The following NAALADL2 variants were observed in gnomAD, a reference collection of about 807,000 sequenced individuals.
The protein encoded by NAALADL2 is N-acetylated alpha-linked acidic dipeptidase like 2, also known as inactive N-acetylated-alpha-linked acidic dipeptidase-like protein 2.
A neutral mutation model predicts 87.2 loss-of-function variants in NAALADL2; 76 were observed. The observed-to-expected ratio is 0.87, with a 90% confidence interval of 0.72 to 1.05. The LOEUF (loss-of-function observed/expected upper bound fraction) is 1.05, where lower values mean the gene tolerates loss of function less well. NAALADL2 is among the 50% of genes least tolerant of loss of function. The probability of loss-of-function intolerance (pLI) is 0.00; values close to 1 mark genes in which losing one functional copy is unlikely to be tolerated. For missense variants in NAALADL2, 1,089 were observed against 945.8 expected (o/e 1.15, Z -1.99); for synonymous variants, 354 against 331.0 (o/e 1.07, Z -0.75).
chr3:174,580,903 T>A (rs1176851374), intron 2 of NAALADL2, among the ~76,000 whole-genome samples: 1 of 152,136 alleles, frequency 6.6e-6, no homozygotes, highest in Admixed American at 6.5e-5. Flanking sequence ...TTTTAAGGAA[T>A]TGACAAAATG....
chr3:175,438,710 G>A (rs1024166712), intron 5 of NAALADL2, among the ~76,000 whole-genome samples: 6 of 151,928 alleles, frequency 3.9e-5, no homozygotes, highest in Admixed American at 6.6e-5. Flanking sequence ...CTTAGCTATT[G>A]TAATATTTAA....
chr3:175,281,133 T>TAA (rs901089907), intron 4 of NAALADL2, among the ~76,000 whole-genome samples: 13 of 150,850 alleles, frequency 8.6e-5, no homozygotes, highest in African/African-American at 2.9e-4. Context: ...TATATATATA[T>TAA]AAATGGATTG....
rs1413466259 is a variant in NAALADL2 at position 174,829,721 on chromosome 3, C to T, written c.-9+91975C>T. Among the ~76,000 whole-genome samples, 316 of 143,018 alleles carry T rather than the reference C, an allele frequency of 2.2e-3. 11 individuals are homozygous for T. Among genetic ancestry groups the T allele is most frequent in the African/African-American group, 8.1e-3 (298 of 37,012 alleles). The allele number at this position is 143,018 out of a possible 152,430, so 93.8% of individuals were successfully genotyped here. On this transcript the variant is annotated intron_variant, in intron 3 of 3. Transcript: ENST00000434257. ...CTTCCACAATGGTTGAACTAGTTTA[C>T]AGTCCCACCAACAGTGTAGAAGTGT...
chr3:175,573,539 G>C (rs1718399380), intron 9 of NAALADL2, among the ~76,000 whole-genome samples: 1 of 152,174 alleles, frequency 6.6e-6, no homozygotes, highest in East Asian at 1.9e-4. Context: ...CCTGCCTCAG[G>C]CATTCAAATT....
At chr3:174,575,869 G>T (rs990527526) in intron 2 of NAALADL2, among the ~76,000 whole-genome samples, 1 of 151,992 alleles carries the variant, frequency 6.6e-6, no homozygotes, top group Admixed American at 6.6e-5. Context: ...TTGTTTGTTT[G>T]TTTATTTATT....
chr3:174,652,121 G>C (rs181205329), intron 2 of NAALADL2, among the ~76,000 whole-genome samples: 1 of 152,264 alleles, frequency 6.6e-6, no homozygotes. Flanking sequence ...ACATCTCCCA[G>C]AACAAGGCCT....
chr3:174,954,341 T>G (rs895442314), intron 1 of NAALADL2, among the ~76,000 whole-genome samples: 1 of 152,096 alleles, frequency 6.6e-6, no homozygotes, highest in Non-Finnish European at 1.5e-5. Context: ...AAGGTTAAAT[T>G]TGCATAAAAA....
chr3:174,564,959 A>G (rs1251243755), intron 2 of NAALADL2, among the ~76,000 whole-genome samples: 1 of 151,848 alleles, frequency 6.6e-6, no homozygotes. Context: ...CAGTTTTTTT[A>G]GAAAATTGAT....
At chr3:174,721,355 A>C (rs1034217982) in intron 2 of NAALADL2, among the ~76,000 whole-genome samples, 6 of 152,184 alleles carry the variant, frequency 3.9e-5, no homozygotes, top group Admixed American at 3.9e-4. Context: ...CCTTTCCTCA[A>C]ATAAGCAAAT....
chr3:175,372,879 A>G (rs1323513870), intron 5 of NAALADL2, among the ~76,000 whole-genome samples: 1 of 152,198 alleles, frequency 6.6e-6, no homozygotes, highest in Non-Finnish European at 1.5e-5. Flanking sequence ...TCTTTTTGCC[A>G]TCTCTCATTA....
intron 1 of NAALADL2, among the ~76,000 whole-genome samples, chr3:174,933,098 C>T (rs964116803): frequency 1.6e-4 from 24 of 152,144 alleles, no homozygotes; most frequent in African/African-American, 5.5e-4. Flanking sequence ...GCCTGGGCAA[C>T]AAGAGTGAAA....
At chr3:175,371,324 G>A (rs1161192770) in intron 5 of NAALADL2, among the ~76,000 whole-genome samples, 3 of 151,944 alleles carry the variant, frequency 2.0e-5, no homozygotes, top group Non-Finnish European at 4.4e-5. Flanking sequence ...CCGGACTGCA[G>A]TGGCGCTATC....
intron 4 of NAALADL2, among the ~76,000 whole-genome samples, chr3:175,294,642 T>G (rs1160426526): frequency 1.3e-5 from 2 of 152,222 alleles, no homozygotes; most frequent in Non-Finnish European, 2.9e-5. Flanking sequence ...CTCTAAAGTT[T>G]AAAATTATCT....
intron 1 of NAALADL2, among the ~76,000 whole-genome samples, chr3:174,450,266 A>G (rs971454276): frequency 6.6e-6 from 1 of 152,214 alleles, no homozygotes; most frequent in Non-Finnish European, 1.5e-5. Flanking sequence ...AAAGGCTTTA[A>G]TTGGGTGCTG....
intron 13 of NAALADL2, among the ~76,000 whole-genome samples, chr3:175,760,902 T>G (rs1747916919): frequency 6.6e-6 from 1 of 152,170 alleles, no homozygotes. Context: ...GGTTTAGGCT[T>G]AGAAAATAAT....
intron 2 of NAALADL2, among the ~76,000 whole-genome samples, chr3:174,736,796 T>A (rs923659624): frequency 6.6e-6 from 1 of 152,130 alleles, no homozygotes; most frequent in Non-Finnish European, 1.5e-5. Context: ...TAGGAGCCTG[T>A]CTGTCTTCCC....
chr3:175,066,422 G>A (rs2109113524), intron 1 of NAALADL2, among the ~76,000 whole-genome samples: 1 of 152,088 alleles, frequency 6.6e-6, no homozygotes, highest in South Asian at 2.1e-4. Context: ...GTTCCATGAG[G>A]GCAGGGACTG....
At chr3:175,220,095 T>A (rs986487553) in intron 2 of NAALADL2, among the ~76,000 whole-genome samples, 1 of 151,632 alleles carries the variant, frequency 6.6e-6, no homozygotes, top group Non-Finnish European at 1.5e-5. Flanking sequence ...CAGGTCATAA[T>A]GCACTTGTCT....
intron 2 of NAALADL2, among the ~76,000 whole-genome samples, chr3:174,625,752 T>G (rs1472400265): frequency 3.9e-5 from 6 of 152,124 alleles, no homozygotes; most frequent in African/African-American, 1.4e-4. Flanking sequence ...TCAAGGAATA[T>G]TTTATAACAA....
Sources: gnomAD v4.1 joint callset for allele counts (sites outside exome capture counted in the v4.1 genomes callset) on GRCh38, gnomAD v4.1.1 for gene constraint, MANE v1.5 for transcripts, NCBI Gene and HGNC (gene_info 2026-07-23, HGNC 2026-07-21) for gene names.